Variants in BDKRB2 observed in about 807,000 individuals in gnomAD.
The protein encoded by BDKRB2 is B2 bradykinin receptor.
In BDKRB2, 6 loss-of-function variants were observed where a neutral mutation model predicts 4.0. The ratio of observed to expected loss-of-function variants is 1.49; its 90% CI spans 0.81 to 2.93. BDKRB2 has a LOEUF of 2.93. Ranked by LOEUF, BDKRB2 falls within the 30% of genes most tolerant of loss-of-function variation. BDKRB2 has a pLI of 0.00. For missense variants in BDKRB2, 478 were observed against 520.1 expected (o/e 0.92, Z 0.79); for synonymous variants, 225 against 215.3 (o/e 1.05, Z -0.40).
chr14:96,209,555 G>C (rs1224096822), intron 1 of BDKRB2, among the ~76,000 whole-genome samples: 1 of 152,160 alleles, frequency 6.6e-6, no homozygotes, highest in Non-Finnish European at 1.5e-5. Flanking sequence ...GGGGGAAGGT[G>C]GCCAAAAGAG....
chr14:96,215,479 A>AAG (rs1300320514), intron 1 of BDKRB2, among the ~76,000 whole-genome samples: 1 of 151,508 alleles, frequency 6.6e-6, no homozygotes, highest in Non-Finnish European at 1.5e-5. Context: ...AACAAAAAAA[A>AAG]AAGGGAGGGG....
intron 1 of BDKRB2, among the ~76,000 whole-genome samples, chr14:96,218,531 A>G (rs1320322555): frequency 6.6e-6 from 1 of 152,152 alleles, no homozygotes; most frequent in Non-Finnish European, 1.5e-5. Flanking sequence ...GGGAAGCCCA[A>G]GGACATGAGA....
rs573432148 is a variant in BDKRB2 at position 96,240,592 on chromosome 14, C to T, written c.264C>T (p.Ser88=). 4 of 1,553,366 alleles carry T rather than the reference C, an allele frequency of 2.6e-6. No homozygotes were observed. The African/African-American group carries it at 5.5e-5, about 21-fold the overall frequency. Residue 88 remains serine (S), a synonymous_variant, in exon 3 of 3, where the codon AGC becomes AGT. Coordinates refer to ENST00000554311, the MANE Select transcript of BDKRB2 (RefSeq NM_001379692.1). ...GCGTCTTCTGCCTGCACAAGAGCAG[C>T]TGCACGGTGGCAGAGATCTACCTGG... ...VLSVFCLHKS[S]CTVAEIYLGN...
intron 1 of BDKRB2, among the ~76,000 whole-genome samples, chr14:96,207,888 T>C (rs767415036): frequency 6.6e-6 from 1 of 152,144 alleles, no homozygotes; most frequent in African/African-American, 2.4e-5. Context: ...CTGCCAAGAC[T>C]TGACACCCCA....
chr14:96,223,977 C>T (rs141873570), intron 1 of BDKRB2, among the ~76,000 whole-genome samples: 1 of 152,218 alleles, frequency 6.6e-6, no homozygotes, highest in East Asian at 1.9e-4. Context: ...TGTAATACTT[C>T]CTGGATAGTT....
intron 2 of BDKRB2, chr14:96,238,101 G>A (rs1427511333): frequency 9.6e-7 from 1 of 1,038,142 alleles, no homozygotes; most frequent in African/African-American, 1.7e-5. Flanking sequence ...AGAATTCAGA[G>A]CCCAGTAGAG....
At chr14:96,215,074 A>G (rs890953984) in intron 1 of BDKRB2, among the ~76,000 whole-genome samples, 9 of 152,240 alleles carry the variant, frequency 5.9e-5, no homozygotes, top group African/African-American at 1.7e-4. Flanking sequence ...CCAAAGGAAT[A>G]TATGTTCTTC....
intron 1 of BDKRB2, chr14:96,214,874 G>GCAATC (rs1289380338): frequency 6.6e-6 from 1 of 152,212 alleles, no homozygotes; most frequent in African/African-American, 2.4e-5. Context: ...GCGGGGACAG[G>GCAATC]CAATCCATAA....
chr14:96,235,506 G>C (rs1566694783), intron 1 of BDKRB2, among the ~76,000 whole-genome samples: 1 of 152,110 alleles, frequency 6.6e-6, no homozygotes, highest in Non-Finnish European at 1.5e-5. Flanking sequence ...GGATCAGAAG[G>C]ACTGTGCTGC....
chr14:96,207,695 G>C (rs749455257), intron 1 of BDKRB2, among the ~76,000 whole-genome samples: 1 of 152,158 alleles, frequency 6.6e-6, no homozygotes, highest in South Asian at 2.1e-4. Context: ...GGGAGGCTAC[G>C]TATGTGTAGG....
intron 1 of BDKRB2, among the ~76,000 whole-genome samples, chr14:96,226,266 C>G (rs1890695283): frequency 6.6e-6 from 1 of 152,204 alleles, no homozygotes; most frequent in African/African-American, 2.4e-5. Flanking sequence ...CTGCCTCGGC[C>G]TGGGGTATGA....
In BDKRB2 at chr14:96,204,887, AC is replaced by A; in HGVS notation, c.-111del. The stretch of plus-strand genomic sequence containing the variant: ...CCGAGGAGGGGTGGGGACGGTGGGG[AC>A]GGTGGGGACATCAGGCTGCCCCGCA... On this transcript the variant is annotated 5_prime_UTR_variant, in exon 1 of 3. Transcript: ENST00000554311. 2.9e-6 allele frequency: 1 copy of A among 346,854 alleles called. No individual in the cohort carries two copies. The highest frequency in any genetic ancestry group is 3.6e-5 in the Admixed American group (1 of 27,912). The allele number at this position is 346,854 out of a possible 1,614,324, so 21.5% of individuals were successfully genotyped here.
At chr14:96,238,785 C>G (rs1337327578) in intron 2 of BDKRB2, 1 of 985,796 alleles carries the variant, frequency 1.0e-6, no homozygotes, top group African/African-American at 1.7e-5. Flanking sequence ...CCTTACCCAC[C>G]AGCCCCCTCT....
At chr14:96,230,289 G>A (rs1382966931) in intron 1 of BDKRB2, among the ~76,000 whole-genome samples, 4 of 152,368 alleles carry the variant, frequency 2.6e-5, no homozygotes, top group Middle Eastern at 3.4e-3. Flanking sequence ...GTAAAACCAC[G>A]GTGACAGAAC....
chr14:96,238,944 C>T (rs940850752), intron 2 of BDKRB2: 1 of 985,332 alleles, frequency 1.0e-6, no homozygotes, highest in African/African-American at 1.7e-5. Context: ...AGAGCAGACG[C>T]TCAAAAAACA....
intron 1 of BDKRB2, among the ~76,000 whole-genome samples, chr14:96,227,462 T>C (rs1890721760): frequency 6.6e-6 from 1 of 152,092 alleles, no homozygotes; most frequent in Non-Finnish European, 1.5e-5. Flanking sequence ...AAGACTTGTG[T>C]AGTTCCAACC....
rs1219461511 is a variant in BDKRB2, at chr14:96,240,623, C to T, written c.295C>T (p.Leu99=). 1 of 1,548,588 alleles carries T rather than the reference C, an allele frequency of 6.5e-7. No individual in the cohort carries two copies. Among genetic ancestry groups the T allele is most frequent in the Non-Finnish European group, 8.7e-7 (1 of 1,149,806 alleles). ...CTVAEIYLGN[L]AAADLILACG... Reference sequence around the variant, plus strand: ...GGTGGCAGAGATCTACCTGGGGAACCTGGCCGCAGCAGACCTGATCCTGGC... The same window carrying T: ...GGTGGCAGAGATCTACCTGGGGAACTTGGCCGCAGCAGACCTGATCCTGGC... The change falls in exon 3 of 3, where the codon CTG becomes TTG. Residue 99 remains leucine, a synonymous_variant. Transcript: ENST00000554311.
At chr14:96,239,550 T>C (rs1885211992) in intron 2 of BDKRB2, 1 of 985,406 alleles carries the variant, frequency 1.0e-6, no homozygotes, top group African/African-American at 1.7e-5. Context: ...GTGTTGGAGT[T>C]TACCACTGGT....
chr14:96,241,016 G>A lies in BDKRB2; in HGVS notation c.688G>A (p.Val230Ile), dbSNP rs188092400. 13 of 1,606,780 alleles carry A rather than the reference G, an allele frequency of 8.1e-6. No homozygotes were observed. The highest frequency in any genetic ancestry group is 1.7e-6 in the Non-Finnish European group (2 of 1,174,364). Residue 230 changes from valine to isoleucine, a missense_variant, in exon 3 of 3, where the codon GTC becomes ATC. Coordinates refer to ENST00000554311, the MANE Select transcript of BDKRB2 (RefSeq NM_001379692.1). ...AGTGTTCACCAACATGCTCCTGAAT[G>A]TCGTGGGCTTCCTGCTGCCCCTGAG... is the stretch of plus-strand genomic sequence containing the variant. Reference protein sequence around the residue: ...WEVFTNMLLNVVGFLLPLSVI... With the variant: ...WEVFTNMLLNIVGFLLPLSVI...
Sources: gnomAD v4.1 joint callset for allele counts (sites outside exome capture counted in the v4.1 genomes callset) on GRCh38, gnomAD v4.1.1 for gene constraint, MANE v1.5 for transcripts, NCBI Gene and HGNC (gene_info 2026-07-23, HGNC 2026-07-21) for gene names.